Variants in MYO5B observed in about 807,000 individuals in gnomAD.
MYO5B encodes the protein myosin VB.
In MYO5B, 143 loss-of-function variants were observed where a neutral mutation model predicts 229.3. That is an observed-to-expected ratio of 0.62 (90% CI 0.54 to 0.72). The LOEUF (loss-of-function observed/expected upper bound fraction) is 0.72, where lower values mean the gene tolerates loss of function less well. MYO5B is among the 30% of genes least tolerant of loss of function. The pLI is 0.00. For missense variants in MYO5B, 2,321 were observed against 2,331.0 expected, an observed-to-expected ratio of 1.00 and a Z score of 0.09; for synonymous variants, 918 against 885.2, an observed-to-expected ratio of 1.04 and a Z score of -0.66.
intron 5 of MYO5B, among the ~76,000 whole-genome samples, chr18:49,992,764 A>G (rs1301721256): frequency 2.5e-4 from 38 of 152,148 alleles, no homozygotes. Flanking sequence ...TACCAGCTAT[A>G]GCAGTTATCT....
At chr18:49,849,882 G>T (rs1329692440) in intron 31 of MYO5B, 4 of 564,622 alleles carry the variant, frequency 7.1e-6, no homozygotes, top group Non-Finnish European at 1.3e-5. Context: ...ATTCTCTCAA[G>T]GCAAGACTCC....
intron 1 of MYO5B, among the ~76,000 whole-genome samples, chr18:50,071,226 C>G (rs2030951066): frequency 6.6e-6 from 1 of 152,192 alleles, no homozygotes; most frequent in Admixed American, 6.5e-5. Flanking sequence ...CTGTTATTCA[C>G]CCTTTAAGGA....
intron 1 of MYO5B, among the ~76,000 whole-genome samples, chr18:50,167,415 TG>T (rs1209761768): frequency 6.6e-6 from 1 of 152,240 alleles, no homozygotes; most frequent in African/African-American, 2.4e-5. Context: ...GACCGACATT[TG>T]TTTCTATTCA....
rs1598973013 is a variant in MYO5B at position 50,040,452 on chromosome 18, G to A, written c.139-138C>T. On this transcript the variant is annotated intron_variant, in intron 2 of 39. Coordinates refer to ENST00000285039, the MANE Select transcript of MYO5B (RefSeq NM_001080467.3). ...AAGATAATGTTTTAAAGAAAGACAA[G>A]CTGAACAAAATACCTGTGTTGCCAT... The A allele has an allele frequency of 4.1e-6, 4 of 971,708 alleles. No homozygotes were observed. The African/African-American group carries it at 4.8e-5, about 12-fold the overall frequency. 60.2% of individuals were successfully genotyped at this position (971,708 alleles called of 1,614,324 possible). A position where few individuals can be genotyped will look rare whatever the true frequency, so the allele number is the denominator to read the frequency against.
At chr18:49,961,427 C>G (rs1479223346) in intron 12 of MYO5B, among the ~76,000 whole-genome samples, 1 of 152,214 alleles carries the variant, frequency 6.6e-6, no homozygotes, top group African/African-American at 2.4e-5. Context: ...GGCAACAAAA[C>G]TAGGAGAGCC....
intron 1 of MYO5B, among the ~76,000 whole-genome samples, chr18:50,064,663 A>G (rs909709866): frequency 1.3e-5 from 2 of 152,200 alleles, no homozygotes; most frequent in Non-Finnish European, 2.9e-5. Context: ...GTGGATTTAC[A>G]TTCTCATCTC....
chr18:49,997,252 G>C (rs2025997516), intron 5 of MYO5B, among the ~76,000 whole-genome samples: 1 of 118,700 alleles, frequency 8.4e-6, no homozygotes, highest in South Asian at 2.4e-4. Flanking sequence ...GGGTGACAAA[G>C]CAAGGTCCTG....
At chr18:50,164,014 TACA>T (rs1599070322) in intron 1 of MYO5B, among the ~76,000 whole-genome samples, 2 of 152,188 alleles carry the variant, frequency 1.3e-5, no homozygotes, top group African/African-American at 4.8e-5. Context: ...TTATCAGAGG[TACA>T]ACATTACAGG....
chr18:50,182,234 TTC>T (rs2033083290), intron 1 of MYO5B, among the ~76,000 whole-genome samples: 3 of 152,222 alleles, frequency 2.0e-5, no homozygotes, highest in African/African-American at 7.2e-5. Flanking sequence ...GATCTAGTTT[TTC>T]TTCCTGGATT....
At position 49,942,310 on chromosome 18, in the gene MYO5B, T is replaced by C. The variant is rs568919252; in HGVS notation, c.1753-4913A>G. On this transcript the variant is annotated intron_variant, in intron 14 of 39. Transcript: ENST00000285039. ...TTCATGTCTAAAACACCAAAAGCAA[T>C]GGCAACAAAAGCAAAAATGGGATCT... Among the ~76,000 whole-genome samples the C allele has an allele frequency of 2.9e-5, 4 of 139,762 alleles. No homozygotes were observed. The South Asian group carries it at 9.0e-4, about 32-fold the overall frequency. 91.7% of individuals were successfully genotyped at this position (139,762 alleles called of 152,430 possible). A position where few individuals can be genotyped will look rare whatever the true frequency, so the allele number is the denominator to read the frequency against.
chr18:50,150,228 GCTGGTGGGA>G (rs2032576600), intron 1 of MYO5B, among the ~76,000 whole-genome samples: 1 of 143,548 alleles, frequency 7.0e-6, no homozygotes, highest in Admixed American at 6.9e-5. Flanking sequence ...CTTTTACACT[GCTGGTGGGA>G]CTGTAAACTA....
intron 1 of MYO5B, among the ~76,000 whole-genome samples, chr18:50,057,885 A>G (rs866154352): frequency 2.0e-5 from 3 of 152,060 alleles, no homozygotes; most frequent in Middle Eastern, 3.4e-3. Context: ...CATACTAACT[A>G]CTTACTCTTC....
intron 1 of MYO5B, among the ~76,000 whole-genome samples, chr18:50,091,142 A>T (rs1291213600): frequency 6.6e-6 from 1 of 152,204 alleles, no homozygotes; most frequent in Non-Finnish European, 1.5e-5. Context: ...ATATAGATGC[A>T]TTGCAGCCAC....
At position 49,864,193 on chromosome 18, in the gene MYO5B, A is replaced by G; in HGVS notation, c.3791T>C (p.Leu1264Pro). 1.2e-6 allele frequency: 2 copies of G among 1,613,232 alleles called. No homozygotes were observed. Among genetic ancestry groups the G allele is most frequent in the Non-Finnish European group, 1.7e-6 (2 of 1,180,020 alleles). ...LEVRKEEVLI[L>P]RTQIVSADQR... ...GTCGGCGCTCACGATCTGGGTCCTG[A>G]GGATGAGCACCTCCTCCTTGCGCAC... Residue 1264 changes from leucine (L) to proline (P), a missense_variant, in exon 28 of 40, where the codon CTC becomes CCC. Transcript: ENST00000285039.
chr18:50,111,525 C>T (rs78930737), intron 1 of MYO5B, among the ~76,000 whole-genome samples: 3,695 of 152,254 alleles, frequency 0.024, 57 homozygotes, highest in Non-Finnish European at 0.039. Context: ...ATACATGTTC[C>T]TTGGGTAAAT....
intron 4 of MYO5B, among the ~76,000 whole-genome samples, chr18:50,014,544 C>A (rs561014531): frequency 2.0e-5 from 3 of 152,222 alleles, no homozygotes; most frequent in African/African-American, 7.2e-5. Context: ...AATTTGGTGA[C>A]ATTAGTTCAC....
chr18:49,972,045 G>C (rs2025697805), intron 10 of MYO5B, among the ~76,000 whole-genome samples: 1 of 152,144 alleles, frequency 6.6e-6, no homozygotes, highest in Non-Finnish European at 1.5e-5. Flanking sequence ...TGCCCTCATG[G>C]AAGAGCTGTC....
rs1412194967 is a variant in MYO5B, at chr18:49,979,309, C to T, written c.1056+1135G>A. 3.3e-5 allele frequency among the ~76,000 whole-genome samples: 5 copies of T among 152,300 alleles called. No individual in the cohort carries two copies. In the East Asian group the frequency reaches 5.8e-4, roughly 18 times the overall value. On this transcript the variant is annotated intron_variant, in intron 9 of 39. Coordinates refer to ENST00000285039, the MANE Select transcript of MYO5B (RefSeq NM_001080467.3). Reference sequence around the variant, plus strand: ...ACACCTCCTCCTTTTCCACTGGGCCCGACAGGGGAGCTTCAAGGCTCTCAC... The same window carrying T: ...ACACCTCCTCCTTTTCCACTGGGCCTGACAGGGGAGCTTCAAGGCTCTCAC...
At chr18:50,016,248 A>G (rs908094090) in intron 4 of MYO5B, among the ~76,000 whole-genome samples, 5 of 152,132 alleles carry the variant, frequency 3.3e-5, no homozygotes, top group African/African-American at 9.7e-5. Flanking sequence ...CTGACTCTCA[A>G]TTCCACCAAA....
Sources: gnomAD v4.1 joint callset for allele counts (sites outside exome capture counted in the v4.1 genomes callset) on GRCh38, gnomAD v4.1.1 for gene constraint, MANE v1.5 for transcripts, NCBI Gene and HGNC (gene_info 2026-07-23, HGNC 2026-07-21) for gene names.